Variants in HPSE observed in about 807,000 individuals in gnomAD.
The protein encoded by HPSE is endo-glucoronidase.
A neutral mutation model predicts 65.1 loss-of-function variants in HPSE; 48 were observed. The ratio of observed to expected loss-of-function variants is 0.74; its 90% CI spans 0.58 to 0.94. The LOEUF (loss-of-function observed/expected upper bound fraction) is 0.94, where lower values mean the gene tolerates loss of function less well. Ranked by LOEUF, HPSE falls within the 40% of genes least tolerant of loss-of-function variation. The pLI is 0.00. For missense variants in HPSE, 644 were observed against 637.5 expected (o/e 1.01, Z -0.11); for synonymous variants, 243 against 260.0 (o/e 0.93, Z 0.63).
In HPSE at chr4:83,302,264, T is replaced by C. The variant is rs755602649; in HGVS notation, c.1211A>G (p.Tyr404Cys). ...TTTCTTGAACAGAAGAGATAGCCAA[T>C]AATCCTAGTTGTGGTGGTTGGGGAG... ...VDENFDPLPD[Y>C]WLSLLFKKLV... Residue 404 changes from tyrosine to cysteine, a missense_variant, in exon 10 of 12, where the codon TAT becomes TGT. Tyr to Cys is a radical substitution (Grantham distance 194, BLOSUM62 -2). Coordinates refer to ENST00000311412, the MANE Select transcript of HPSE (RefSeq NM_001098540.3). 6.2e-7 allele frequency: 1 copy of C among 1,604,030 alleles called. No individual in the cohort carries two copies. The highest frequency in any genetic ancestry group is 8.5e-7 in the Non-Finnish European group (1 of 1,171,020).
intron 9 of HPSE, among the ~76,000 whole-genome samples, chr4:83,303,830 A>G (rs1736052611): frequency 6.6e-6 from 1 of 152,222 alleles, no homozygotes; most frequent in African/African-American, 2.4e-5. Context: ...CACCTAGCAC[A>G]TACTGAAATA....
Position 83,292,858 on chromosome 4 carries a change from A to T in HPSE, c.*2486T>A, listed in dbSNP as rs1303622634. The T allele has an allele frequency of 6.6e-6, 1 of 152,228 alleles. No individual in the cohort carries two copies. The highest frequency in any genetic ancestry group is 1.9e-4 in the East Asian group (1 of 5,196). The allele number at this position is 152,228 out of a possible 1,614,324, so 9.4% of individuals were successfully genotyped here. A position where few individuals can be genotyped will look rare whatever the true frequency, so the allele number is the denominator to read the frequency against. On this transcript the variant is annotated 3_prime_UTR_variant, in exon 12 of 12. Transcript: ENST00000311412. ...GTATAAGGGATGTTGGAGACTCAGA[A>T]GGGAAGAGGGCGGAAGGAGGGTAAT...
chr4:83,309,940 T>G, intron 6 of HPSE, 91 bp downstream of exon 6: 1 of 828,446 alleles, frequency 1.2e-6, no homozygotes, highest in South Asian at 1.6e-5. Context: ...CTGCAGTCAA[T>G]TGGCAGTTAA....
intron 2 of HPSE, among the ~76,000 whole-genome samples, chr4:83,321,128 G>A (rs1736874053): frequency 6.6e-6 from 1 of 151,996 alleles, no homozygotes; most frequent in South Asian, 2.1e-4. Flanking sequence ...AGCCCAAGAG[G>A]TCAAGGCTGC....
chr4:83,306,326 G>C lies in HPSE; in HGVS notation c.1092-9C>G. On this transcript the variant is annotated splice_polypyrimidine_tract_variant and intron_variant, in intron 8 of 11. Coordinates refer to ENST00000311412, the MANE Select transcript of HPSE (RefSeq NM_001098540.3). ...CCAATTTATCCAGCCACCTGGGACA[G>C]AGCAAGACCAAGCTTTCTTGAGGTT... 2 of 1,504,094 alleles carry C rather than the reference G, an allele frequency of 1.3e-6. No individual in the cohort carries two copies. Among genetic ancestry groups the C allele is most frequent in the South Asian group, 1.1e-5 (1 of 88,106 alleles). 93.2% of individuals were successfully genotyped at this position (1,504,094 alleles called of 1,614,324 possible).
intron 11 of HPSE, among the ~76,000 whole-genome samples, chr4:83,297,826 CACAA>C (rs1420102713): frequency 6.6e-6 from 1 of 152,106 alleles, no homozygotes; most frequent in Non-Finnish European, 1.5e-5. Flanking sequence ...ATCAGGAAAC[CACAA>C]ACAAAAATAG....
At chr4:83,303,843 TATAG>T (rs1259240896) in intron 9 of HPSE, among the ~76,000 whole-genome samples, 1 of 152,194 alleles carries the variant, frequency 6.6e-6, no homozygotes, top group Non-Finnish European at 1.5e-5. Flanking sequence ...CTGAAATATT[TATAG>T]ATAAAGTAAT....
intron 11 of HPSE, among the ~76,000 whole-genome samples, chr4:83,297,416 CCTAA>C (rs1472605801): frequency 6.6e-6 from 1 of 151,808 alleles, no homozygotes; most frequent in African/African-American, 2.4e-5. Context: ...CCCAGCACAT[CCTAA>C]CTTTTTCTCA....
chr4:83,334,702 G>T lies in HPSE; in HGVS notation c.81C>A (p.Gly27=). 1 of 1,569,192 alleles carries T rather than the reference G, an allele frequency of 6.4e-7. No homozygotes were observed. The highest frequency in any genetic ancestry group is 1.2e-5 in the South Asian group (1 of 85,370). ...LLGPLGPLSP[G]ALPRPAQAQD... ...GTGCTTGCGCAGGTCGGGGCAGGGC[G>T]CCAGGGGAGAGGGGACCCAGCGGCC... The change falls in exon 1 of 12, where the codon GGC becomes GGA. Residue 27 remains glycine, a synonymous_variant. Coordinates refer to ENST00000311412, the MANE Select transcript of HPSE (RefSeq NM_001098540.3).
At chr4:83,299,559 G>A (rs1735862313) in intron 11 of HPSE, among the ~76,000 whole-genome samples, 1 of 151,986 alleles carries the variant, frequency 6.6e-6, no homozygotes, top group South Asian at 2.1e-4. Context: ...TGTAAATAAT[G>A]TTTGTCTGTG....
chr4:83,309,839 C>T (rs893229149), intron 6 of HPSE, among the ~76,000 whole-genome samples, 192 bp downstream of exon 6: 3 of 152,148 alleles, frequency 2.0e-5, no homozygotes, highest in African/African-American at 4.8e-5. Context: ...ATAGAAACCA[C>T]TACATTATTT....
At chr4:83,319,592 T>C in intron 2 of HPSE, 123 bp from the exon 3 acceptor site, 1 of 972,552 alleles carries the variant, frequency 1.0e-6, no homozygotes, top group Non-Finnish European at 1.5e-6. Context: ...GGTTATGAGG[T>C]AGGAGAGCAG....
chr4:83,334,704 CA>C lies in HPSE; in HGVS notation c.78del (p.Gly27AlafsTer26). The stretch of plus-strand genomic sequence containing the variant: ...GCTTGCGCAGGTCGGGGCAGGGCGC[CA>C]GGGGAGAGGGGACCCAGCGGCCCCA... ...LLLGPLGPLS[P>X]GALPRPAQAQ... On this transcript the variant is annotated frameshift_variant, in exon 1 of 12. Coordinates refer to ENST00000311412, the MANE Select transcript of HPSE (RefSeq NM_001098540.3). LOFTEE classifies it high-confidence loss of function. 6.4e-7 allele frequency: 1 copy of C among 1,569,146 alleles called. No individual in the cohort carries two copies. Among genetic ancestry groups the C allele is most frequent in the Non-Finnish European group, 8.6e-7 (1 of 1,156,954 alleles).
intron 10 of HPSE, among the ~76,000 whole-genome samples, chr4:83,301,528 A>C (rs1043881120): frequency 1.3e-5 from 2 of 152,352 alleles, no homozygotes; most frequent in African/African-American, 4.8e-5. Context: ...ACTGAAATGT[A>C]TAAGAAAATT....
intron 3 of HPSE, among the ~76,000 whole-genome samples, chr4:83,314,864 T>C (rs1736565413): frequency 6.6e-6 from 1 of 152,162 alleles, no homozygotes; most frequent in Admixed American, 6.6e-5. Flanking sequence ...TATTAAATAT[T>C]AGCTATTTAA....
intron 1 of HPSE, among the ~76,000 whole-genome samples, chr4:83,322,792 TG>T (rs1560514358): frequency 0.049 from 5,639 of 114,694 alleles, 132 homozygotes; most frequent in Middle Eastern, 0.077. Flanking sequence ...AGCTTGTTTG[TG>T]TGTGTGTGTG....
At chr4:83,313,037 A>AG (rs376213212) in intron 4 of HPSE, 77 bp downstream of exon 4, 84,508 of 799,182 alleles carry the variant, frequency 0.11, 607 homozygotes, top group East Asian at 0.13. Context: ...AAAAAAAAAA[A>AG]AAAAGAAAAA....
Position 83,295,388 on chromosome 4 carries a change from T to C in HPSE, c.1588A>G (p.Ser530Gly). ...SSLGLPAFSY[S>G]FFVIRNAKVA... The stretch of plus-strand genomic sequence containing the variant: ...TTGGCATTTCTTATCACAAAAAAAC[T>C]ATATGAGAAAGCTGGCAAGCCCAGT... The change falls in exon 12 of 12, where the codon AGT becomes GGT. Residue 530 changes from serine (S) to glycine (G), a missense_variant. Ser to Gly is a moderately conservative substitution (Grantham distance 56). Transcript: ENST00000311412. 1.9e-6 allele frequency: 3 copies of C among 1,612,506 alleles called. No individual in the cohort carries two copies. The highest frequency in any genetic ancestry group is 2.5e-6 in the Non-Finnish European group (3 of 1,179,062).
chr4:83,301,211 C>A, intron 10 of HPSE, 105 bp from the exon 11 acceptor site: 1 of 658,138 alleles, frequency 1.5e-6, no homozygotes, highest in African/African-American at 1.9e-5. Context: ...AATGACAATC[C>A]ATAATGCATC....
Sources: allele counts gnomAD v4.1 joint callset (sites outside exome capture counted in the v4.1 genomes callset), GRCh38; gene constraint gnomAD v4.1.1; transcripts MANE v1.5; gene names NCBI Gene and HGNC (gene_info 2026-07-23, HGNC 2026-07-21).